Variants in MSRA observed in about 807,000 individuals in gnomAD.
MSRA encodes mitochondrial peptide methionine sulfoxide reductase.
In MSRA, 54 loss-of-function variants were observed where a neutral mutation model predicts 31.3. The observed-to-expected ratio is 1.73, with a 90% CI of 1.39 to 2.17. MSRA has a LOEUF of 2.17. Ranked by LOEUF, MSRA falls within the 30% of genes most tolerant of loss-of-function variation. The pLI, the probability that MSRA is intolerant of heterozygous loss-of-function variation, is 0.00. For missense variants in MSRA, 507 were observed against 300.9 expected, an observed-to-expected ratio of 1.69 and a Z score of -5.07; for synonymous variants, 169 against 116.5, an observed-to-expected ratio of 1.45 and a Z score of -2.90.
intron 1 of MSRA, among the ~76,000 whole-genome samples, chr8:10,202,001 G>T (rs1808544895): frequency 6.6e-6 from 1 of 152,330 alleles, no homozygotes; most frequent in East Asian, 1.9e-4. Flanking sequence ...AGATGTCCCT[G>T]TTGGAGACTC....
At chr8:10,208,243 T>G (rs1214892033) in intron 2 of MSRA, among the ~76,000 whole-genome samples, 1 of 152,152 alleles carries the variant, frequency 6.6e-6, no homozygotes, top group Non-Finnish European at 1.5e-5. Flanking sequence ...TATATCACTT[T>G]GTTAAAGGCT....
intron 3 of MSRA, among the ~76,000 whole-genome samples, chr8:10,250,002 T>G: frequency 6.6e-6 from 1 of 152,232 alleles, no homozygotes; most frequent in East Asian, 1.9e-4. Flanking sequence ...TTGGTTTTGA[T>G]GTAAAGAATA....
intron 5 of MSRA, among the ~76,000 whole-genome samples, chr8:10,329,621 C>A (rs1292939477): frequency 1.3e-5 from 2 of 152,254 alleles, no homozygotes; most frequent in Admixed American, 1.3e-4. Flanking sequence ...TTTCAGATGA[C>A]CACAGGCCCC....
At chr8:10,339,081 A>T (rs1247667895) in intron 5 of MSRA, among the ~76,000 whole-genome samples, 2 of 152,124 alleles carry the variant, frequency 1.3e-5, no homozygotes, top group African/African-American at 4.8e-5. Context: ...GTTCTTATGA[A>T]CCTTGACTGC....
At chr8:10,129,645 G>C (rs1197026149) in intron 1 of MSRA, among the ~76,000 whole-genome samples, 1 of 152,090 alleles carries the variant, frequency 6.6e-6, no homozygotes, top group Non-Finnish European at 1.5e-5. Context: ...AGATCAGAAG[G>C]GGTGGGAATG....
In MSRA at chr8:10,054,419, C is replaced by A; in HGVS notation, c.-98C>A. 8.4e-7 allele frequency: 1 copy of A among 1,192,714 alleles called. No individual in the cohort carries two copies. The highest frequency in any genetic ancestry group is 1.1e-6 in the Non-Finnish European group (1 of 929,368). 73.9% of individuals were successfully genotyped at this position (1,192,714 alleles called of 1,614,324 possible). A position where few individuals can be genotyped will look rare whatever the true frequency, so the allele number is the denominator to read the frequency against. ...CGCCCGCCCGCGCCCCTGCCGCCCC[C>A]CGGTTCCGGCCGCGGACCCCACTCT... On this transcript the variant is annotated 5_prime_UTR_variant, in exon 1 of 6. Transcript: ENST00000317173.
At position 10,245,222 on chromosome 8, in the gene MSRA, A is replaced by G; in HGVS notation, c.330A>G (p.Ser110=). 1.2e-6 allele frequency: 2 copies of G among 1,612,664 alleles called. No homozygotes were observed. Among genetic ancestry groups the G allele is most frequent in the Non-Finnish European group, 1.7e-6 (2 of 1,179,356 alleles). Reference sequence around the variant, plus strand: ...ATCCTACTTATAAAGAAGTCTGCTCAGGTAGGAAGAATTTGCTTTATTGTA... The same window carrying G: ...ATCCTACTTATAAAGAAGTCTGCTCGGGTAGGAAGAATTTGCTTTATTGTA... ...TSNPTYKEVC[S]EKTGHAEVVR... Residue 110 remains serine (S), a splice_region_variant and synonymous_variant, in exon 3 of 6, where the codon TCA becomes TCG. Transcript: ENST00000317173.
intron 1 of MSRA, among the ~76,000 whole-genome samples, chr8:10,060,560 C>G (rs1368882760): frequency 6.6e-6 from 1 of 151,590 alleles, no homozygotes; most frequent in African/African-American, 2.4e-5. Flanking sequence ...TACATAACTC[C>G]ACTTTGAAGA....
rs147284229 is a variant in MSRA, at chr8:10,158,129, C to G, written c.143-49704C>G. 3.0e-3 allele frequency among the ~76,000 whole-genome samples: 464 copies of G among 152,294 alleles called. 1 individual carries two copies. The highest frequency in any genetic ancestry group is 5.2e-3 in the Non-Finnish European group (355 of 68,022). On this transcript the variant is annotated intron_variant, in intron 1 of 5. Coordinates refer to ENST00000317173, the MANE Select transcript of MSRA (RefSeq NM_012331.5). Reference sequence around the variant, plus strand: ...TGGAAGGGCCTCTTTTATAAGGGCACTAATCCCATCCATTAGGGCCCCATC... The same window carrying G: ...TGGAAGGGCCTCTTTTATAAGGGCAGTAATCCCATCCATTAGGGCCCCATC...
chr8:10,066,228 C>G (rs923015213), intron 1 of MSRA, among the ~76,000 whole-genome samples: 1 of 152,090 alleles, frequency 6.6e-6, no homozygotes, highest in African/African-American at 2.4e-5. Flanking sequence ...CTCAGGAGAT[C>G]CACCTGCCTT....
chr8:10,256,397 A>G (rs1014801033), intron 3 of MSRA, among the ~76,000 whole-genome samples: 6 of 152,188 alleles, frequency 3.9e-5, no homozygotes, highest in Non-Finnish European at 8.8e-5. Context: ...GATGTCTCCA[A>G]GTTTTGACAA....
intron 3 of MSRA, among the ~76,000 whole-genome samples, chr8:10,245,924 C>T (rs78014872): frequency 0.029 from 4,446 of 152,262 alleles, 94 homozygotes; most frequent in East Asian, 0.071. Context: ...AACAATCTAC[C>T]GCATGAGACA....
chr8:10,129,481 G>C (rs1801742477), intron 1 of MSRA, among the ~76,000 whole-genome samples: 1 of 152,110 alleles, frequency 6.6e-6, no homozygotes, highest in Non-Finnish European at 1.5e-5. Flanking sequence ...ATTCACCCTT[G>C]AGCAGACACC....
intron 5 of MSRA, among the ~76,000 whole-genome samples, chr8:10,384,012 G>C (rs905810211): frequency 6.6e-6 from 1 of 152,154 alleles, no homozygotes; most frequent in African/African-American, 2.4e-5. Context: ...AGAGCTGAGA[G>C]TCACCCCGAA....
chr8:10,397,421 A>T (rs1807164045), intron 5 of MSRA, among the ~76,000 whole-genome samples: 1 of 152,198 alleles, frequency 6.6e-6, no homozygotes, highest in African/African-American at 2.4e-5. Context: ...TTGAGCTGAA[A>T]TGGGGGCCCT....
At chr8:10,351,161 C>G (rs1013952026) in intron 5 of MSRA, among the ~76,000 whole-genome samples, 7 of 151,334 alleles carry the variant, frequency 4.6e-5, no homozygotes, top group African/African-American at 1.7e-4. Flanking sequence ...TGTCTCCACG[C>G]TCATCCATTC....
At chr8:10,427,865 A>G (rs934062025) in intron 5 of MSRA, among the ~76,000 whole-genome samples, 3 of 152,204 alleles carry the variant, frequency 2.0e-5, no homozygotes, top group Admixed American at 6.5e-5. Context: ...CAGGGCCCCC[A>G]ACATGCACTT....
At chr8:10,074,911 G>T (rs769948086) in intron 1 of MSRA, among the ~76,000 whole-genome samples, 1 of 151,990 alleles carries the variant, frequency 6.6e-6, no homozygotes, top group Non-Finnish European at 1.5e-5. Context: ...TGCCTGTCTC[G>T]GCCTCCCGAA....
At chr8:10,076,235 CA>C (rs1797990772) in intron 1 of MSRA, among the ~76,000 whole-genome samples, 1 of 152,196 alleles carries the variant, frequency 6.6e-6, no homozygotes, top group Non-Finnish European at 1.5e-5. Flanking sequence ...GTTTGTTTTG[CA>C]GTGTGATGCG....
Sources: allele counts gnomAD v4.1 joint callset (sites outside exome capture counted in the v4.1 genomes callset), GRCh38; gene constraint gnomAD v4.1.1; transcripts MANE v1.5; gene names NCBI Gene and HGNC (gene_info 2026-07-23, HGNC 2026-07-21).